PCSK5: variants seen among roughly 807,000 people sequenced by gnomAD.
PCSK5 encodes the protein prohormone convertase 5.
PCSK5 carries 129 observed loss-of-function variants against 233.2 expected under a neutral mutation model. The observed-to-expected ratio is 0.55, with a 90% CI of 0.48 to 0.64. The LOEUF (loss-of-function observed/expected upper bound fraction) is 0.64, where lower values mean the gene tolerates loss of function less well. Among genes scored for constraint, PCSK5 ranks in the 30% least tolerant of loss-of-function variants. The pLI, the probability that PCSK5 is intolerant of heterozygous loss-of-function variation, is 0.00. For missense variants in PCSK5, 2,076 were observed against 2,430.1 expected, an observed-to-expected ratio of 0.85 and a Z score of 3.06; for synonymous variants, 825 against 879.2, an observed-to-expected ratio of 0.94 and a Z score of 1.09.
chr9:76,239,711 GA>G (rs909276326), intron 23 of PCSK5, among the ~76,000 whole-genome samples: 7 of 143,870 alleles, frequency 4.9e-5, no homozygotes, highest in Non-Finnish European at 4.6e-5. Context: ...AAAAAAAAAA[GA>G]AAAAAAAGAA....
intron 2 of PCSK5, among the ~76,000 whole-genome samples, chr9:75,965,289 GTGGA>G (rs1825531814): frequency 7.4e-6 from 1 of 135,834 alleles, no homozygotes; most frequent in South Asian, 2.4e-4. Flanking sequence ...GTGTGTGTGT[GTGGA>G]GAGAGAGAGA....
chr9:76,095,913 G>A lies in PCSK5; in HGVS notation c.918G>A (p.Val306=). 6.2e-7 allele frequency: 1 copy of A among 1,614,144 alleles called. No homozygotes were observed. Among genetic ancestry groups the A allele is most frequent in the South Asian group, 1.1e-5 (1 of 91,082 alleles). Residue 306 remains valine, a synonymous_variant, in exon 8 of 38, where the codon GTG becomes GTA. Transcript: ENST00000674117. ...VRMGRRGLGS[V]FVWASGNGGR... is the part of the protein sequence containing the mutation. ...AGGGGCGGAGAGGCCTCGGCTCTGT[G>A]TTTGTTTGGGCATCTGGAAATGGTG...
chr9:75,902,718 C>T (rs1358160734), intron 1 of PCSK5, among the ~76,000 whole-genome samples: 3 of 152,114 alleles, frequency 2.0e-5, no homozygotes, highest in Non-Finnish European at 4.4e-5. Flanking sequence ...GCTGATATGT[C>T]CACTGGGCAG....
chr9:76,113,048 A>G (rs1246951613), intron 9 of PCSK5, among the ~76,000 whole-genome samples: 1 of 152,124 alleles, frequency 6.6e-6, no homozygotes, highest in Non-Finnish European at 1.5e-5. Context: ...TCAATTGCTC[A>G]ATTAGTTACT....
chr9:76,059,632 T>C (rs1234564035), intron 5 of PCSK5, among the ~76,000 whole-genome samples: 2 of 152,176 alleles, frequency 1.3e-5, no homozygotes, highest in Admixed American at 1.3e-4. Flanking sequence ...CCCCATTTCT[T>C]GTTTTTGTCA....
At position 76,254,490 on chromosome 9, in the gene PCSK5, T is replaced by A. The variant is rs1255524520; in HGVS notation, c.3142+13806T>A. The stretch of plus-strand genomic sequence containing the variant: ...TCACTATTTAAAAAAAAAAAAAAGA[T>A]GAAATTTCCCCAAGTATTCTGTTAT... On this transcript the variant is annotated intron_variant, in intron 24 of 37. Coordinates refer to ENST00000674117, the MANE Select transcript of PCSK5 (RefSeq NM_001372043.1). Among the ~76,000 whole-genome samples, 3 of 151,162 alleles carry A rather than the reference T, an allele frequency of 2.0e-5. No homozygotes were observed. In the East Asian group the frequency reaches 5.8e-4, roughly 29 times the overall value.
intron 33 of PCSK5, among the ~76,000 whole-genome samples, chr9:76,331,666 CAAA>C (rs368431038): frequency 4.2e-5 from 5 of 119,630 alleles, no homozygotes; most frequent in Non-Finnish European, 5.2e-5. Context: ...GACTCCATCT[CAAA>C]AAAAAAAAAA....
chr9:76,043,519 AT>A (rs1168838725), intron 5 of PCSK5, among the ~76,000 whole-genome samples: 2 of 152,040 alleles, frequency 1.3e-5, no homozygotes, highest in East Asian at 3.9e-4. Flanking sequence ...GAAATTATGA[AT>A]TAACCTTTGA....
At chr9:76,020,755 G>A (rs915017127) in intron 3 of PCSK5, among the ~76,000 whole-genome samples, 10 of 152,102 alleles carry the variant, frequency 6.6e-5, no homozygotes, top group African/African-American at 2.2e-4. Context: ...TTCAATTTTC[G>A]TAATTACAAT....
intron 26 of PCSK5, among the ~76,000 whole-genome samples, chr9:76,295,907 A>G (rs1828423004): frequency 6.6e-6 from 1 of 152,216 alleles, no homozygotes; most frequent in Non-Finnish European, 1.5e-5. Context: ...AGCCCAATGC[A>G]CTTGAGTGTT....
rs202203226 is a variant in PCSK5, at chr9:76,189,651, C to A, written c.2531C>A (p.Thr844Lys). ...SCKKCDISCLTCNGPGFKNCT... is the reference protein window; with the variant it reads ...SCKKCDISCLKCNGPGFKNCT... ...CATAGATGTGATATCAGTTGTTTGA[C>A]GTGCAATGGCCCAGGATTCAAGAAC... The change falls in exon 20 of 38, where the codon ACG becomes AAG. Residue 844 changes from threonine to lysine, a missense_variant. Around this residue, in one of 6 missense-constraint regions of PCSK5, gnomAD observed 1,510 missense variants for 1,538.1 expected, o/e 0.98. Coordinates refer to ENST00000674117, the MANE Select transcript of PCSK5 (RefSeq NM_001372043.1). 1.2e-6 allele frequency: 2 copies of A among 1,610,260 alleles called. No individual in the cohort carries two copies. Among genetic ancestry groups the A allele is most frequent in the Admixed American group, 1.7e-5 (1 of 59,976 alleles).
intron 1 of PCSK5, among the ~76,000 whole-genome samples, chr9:75,910,361 A>C (rs1245026100): frequency 4.6e-5 from 7 of 152,214 alleles, no homozygotes. Context: ...ATCAGAAGCC[A>C]CTTATTAGTT....
At chr9:76,077,514 G>A (rs1830682718) in intron 7 of PCSK5, among the ~76,000 whole-genome samples, 2 of 152,144 alleles carry the variant, frequency 1.3e-5, no homozygotes, top group South Asian at 4.1e-4. Context: ...CAGGTAGTGA[G>A]TATAGTACCC....
chr9:76,172,055 T>A (rs1393222121), intron 13 of PCSK5, among the ~76,000 whole-genome samples: 2 of 152,184 alleles, frequency 1.3e-5, no homozygotes, highest in African/African-American at 4.8e-5. Context: ...AGAAATTCAG[T>A]TGGATCTGTA....
chr9:76,230,646 C>T (rs1826051089), intron 21 of PCSK5, among the ~76,000 whole-genome samples: 2 of 152,176 alleles, frequency 1.3e-5, no homozygotes, highest in South Asian at 2.1e-4. Flanking sequence ...TTTATAGCCA[C>T]TCCCCGTTGC....
chr9:76,169,137 G>A (rs769755768), intron 12 of PCSK5, among the ~76,000 whole-genome samples: 30 of 152,200 alleles, frequency 2.0e-4, no homozygotes, highest in Non-Finnish European at 3.7e-4. Flanking sequence ...AGGGCCGACT[G>A]TACCATAATT....
At chr9:76,350,044 G>A (rs1830076918) in intron 35 of PCSK5, among the ~76,000 whole-genome samples, 1 of 151,522 alleles carries the variant, frequency 6.6e-6, no homozygotes, top group Non-Finnish European at 1.5e-5. Flanking sequence ...CTTGGAGGCT[G>A]AGACAAGAGG....
intron 9 of PCSK5, among the ~76,000 whole-genome samples, chr9:76,114,675 C>T (rs145410452): frequency 6.6e-6 from 1 of 151,370 alleles, no homozygotes; most frequent in East Asian, 1.9e-4. Flanking sequence ...CTGTTACCTG[C>T]CTCTTTTTCC....
chr9:76,279,846 T>C (rs1047289944), intron 24 of PCSK5, among the ~76,000 whole-genome samples: 6 of 151,648 alleles, frequency 4.0e-5, no homozygotes, highest in African/African-American at 7.3e-5. Context: ...GCGAAAATTT[T>C]CTCCCATTTT....
Sources: allele counts gnomAD v4.1 joint callset (sites outside exome capture counted in the v4.1 genomes callset), GRCh38; gene constraint gnomAD v4.1.1; regional missense constraint gnomAD v4.1.1; transcripts MANE v1.5; gene names NCBI Gene and HGNC (gene_info 2026-07-23, HGNC 2026-07-21).